The following NGEF variants were observed in gnomAD, a reference collection of about 807,000 sequenced individuals.
The protein encoded by NGEF is ephexin-1.
A neutral mutation model predicts 80.9 loss-of-function variants in NGEF; 31 were observed. The ratio of observed to expected loss-of-function variants is 0.38; its 90% CI spans 0.29 to 0.52. NGEF has a LOEUF of 0.52. NGEF is among the 20% of genes least tolerant of loss of function. The pLI is 0.84. For missense variants in NGEF, 709 were observed against 926.2 expected, an observed-to-expected ratio of 0.77 and a Z score of 3.04; for synonymous variants, 371 against 370.2, an observed-to-expected ratio of 1.00 and a Z score of -0.03.
In NGEF at chr2:232,970,276, G is replaced by A. The variant is rs201419563; in HGVS notation, c.321C>T (p.Pro107=). 6.2e-7 allele frequency: 1 copy of A among 1,606,092 alleles called. No individual in the cohort carries two copies. The highest frequency in any genetic ancestry group is 1.3e-5 in the African/African-American group (1 of 74,422). Residue 107 remains proline (P), a synonymous_variant, in exon 3 of 15, where the codon CCC becomes CCT. Coordinates refer to ENST00000264051, the MANE Select transcript of NGEF (RefSeq NM_019850.3). ...SVNEPLTLNI[P]WSRMPPCRTA... is the part of the protein sequence containing the mutation. ...TTCTGCAAGGAGGCATTCTGCTCCAGGGGATATTCAAGGTCAGGGGCTCAT... is the reference window on the plus strand; with the variant it reads ...TTCTGCAAGGAGGCATTCTGCTCCAAGGGATATTCAAGGTCAGGGGCTCAT...
chr2:232,975,964 G>A (rs1185454738), intron 1 of NGEF, among the ~76,000 whole-genome samples: 1 of 152,152 alleles, frequency 6.6e-6, no homozygotes, highest in African/African-American at 2.4e-5. Flanking sequence ...ACTTTGGGAG[G>A]CCGAGGCGAG....
chr2:232,960,697 G>A (rs913330706), intron 3 of NGEF, among the ~76,000 whole-genome samples: 1 of 152,172 alleles, frequency 6.6e-6, no homozygotes, highest in Non-Finnish European at 1.5e-5. Flanking sequence ...TGGCCAACAT[G>A]GTGAAACCCC....
At chr2:232,880,123 T>C (rs1691445273) in intron 14 of NGEF, among the ~76,000 whole-genome samples, 1 of 152,220 alleles carries the variant, frequency 6.6e-6, no homozygotes, top group Non-Finnish European at 1.5e-5. Flanking sequence ...TTAGCTGGCC[T>C]GGACTGTGTC....
At chr2:232,903,894 T>G (rs770199600) in intron 5 of NGEF, among the ~76,000 whole-genome samples, 1 of 152,202 alleles carries the variant, frequency 6.6e-6, no homozygotes, top group Non-Finnish European at 1.5e-5. Flanking sequence ...AATTTTCTTT[T>G]GGGAGTGGGG....
chr2:232,912,891 C>CT (rs1487179274), intron 5 of NGEF, among the ~76,000 whole-genome samples: 3 of 152,032 alleles, frequency 2.0e-5, no homozygotes, highest in African/African-American at 4.8e-5. Context: ...TATATCTTCT[C>CT]TTTTTTTGTC....
intron 1 of NGEF, among the ~76,000 whole-genome samples, chr2:232,991,590 AAAG>A (rs1694651691): frequency 6.6e-6 from 1 of 152,204 alleles, no homozygotes; most frequent in African/African-American, 2.4e-5. Context: ...GAAAAAAATT[AAAG>A]AAGACCTAAA....
chr2:232,891,778 A>G (rs1417502882), intron 7 of NGEF, among the ~76,000 whole-genome samples: 1 of 152,198 alleles, frequency 6.6e-6, no homozygotes, highest in African/African-American at 2.4e-5. Flanking sequence ...GCACAATTAG[A>G]TGATTTCACC....
At chr2:232,933,455 TC>T (rs1693261183) in intron 3 of NGEF, among the ~76,000 whole-genome samples, 1 of 152,034 alleles carries the variant, frequency 6.6e-6, no homozygotes, top group Admixed American at 6.6e-5. Context: ...GCAGTCCCCT[TC>T]CCTGGTAACT....
chr2:232,920,645 A>T (rs1692923024), intron 4 of NGEF, 60 bp from the exon 5 acceptor site: 2 of 1,472,144 alleles, frequency 1.4e-6, no homozygotes, highest in Non-Finnish European at 9.1e-7. Flanking sequence ...ATCATTAGAA[A>T]TCCCTAAGTC....
chr2:232,944,235 G>GA (rs1231528218), intron 3 of NGEF, among the ~76,000 whole-genome samples: 8 of 151,722 alleles, frequency 5.3e-5, no homozygotes, highest in Non-Finnish European at 8.8e-5. Context: ...CTCCGTCTGG[G>GA]AAAAAATTAA....
intron 5 of NGEF, among the ~76,000 whole-genome samples, chr2:232,914,070 G>C (rs1257763763): frequency 6.6e-6 from 1 of 152,142 alleles, no homozygotes; most frequent in Non-Finnish European, 1.5e-5. Context: ...CAGCCCATGG[G>C]CTGGCCACTT....
At chr2:232,924,715 C>T (rs749221557) in intron 4 of NGEF, among the ~76,000 whole-genome samples, 16 of 152,212 alleles carry the variant, frequency 1.1e-4, no homozygotes, top group Non-Finnish European at 2.1e-4. Context: ...GAACTTCCTA[C>T]CTTTGGACTC....
At chr2:232,897,002 G>C (rs1692115095) in intron 5 of NGEF, among the ~76,000 whole-genome samples, 1 of 131,242 alleles carries the variant, frequency 7.6e-6, no homozygotes, top group South Asian at 2.6e-4. Context: ...AGGGGTGCGG[G>C]TGAGGGTAGG....
intron 6 of NGEF, among the ~76,000 whole-genome samples, chr2:232,893,557 T>G (rs934060770): frequency 3.9e-5 from 6 of 152,096 alleles, no homozygotes; most frequent in Non-Finnish European, 8.8e-5. Flanking sequence ...GCGGATCACC[T>G]GAGGTCAGGA....
At chr2:232,883,777 A>C (rs35141217) in intron 11 of NGEF, among the ~76,000 whole-genome samples, 25,397 of 152,178 alleles carry the variant, frequency 0.17, 2,673 homozygotes, top group Non-Finnish European at 0.22. Flanking sequence ...CCCCCACTTT[A>C]CAGGAAGGGA....
intron 10 of NGEF, among the ~76,000 whole-genome samples, chr2:232,884,713 C>T (rs1043489802): frequency 1.3e-5 from 2 of 152,182 alleles, no homozygotes; most frequent in African/African-American, 2.4e-5. Context: ...CGGTCAGCAC[C>T]GTGTGGAGCT....
rs868012160 is a variant in NGEF, at chr2:232,879,424, C to T, written c.*65G>A. The T allele has an allele frequency of 2.3e-4, 260 of 1,128,234 alleles. 4 individuals are homozygous for T. The highest frequency in any genetic ancestry group is 4.4e-4 in the South Asian group (28 of 64,346). The allele number at this position is 1,128,234 out of a possible 1,614,324, so 69.9% of individuals were successfully genotyped here. On this transcript the variant is annotated 3_prime_UTR_variant, in exon 15 of 15. Transcript: ENST00000264051. ...TGCTGGCCTGTGCTTCCCAGAGCCC[C>T]CCCCCCCCCACCTTCTGTCGGGGTC...
At chr2:232,954,958 G>A (rs1391184594) in intron 3 of NGEF, among the ~76,000 whole-genome samples, 3 of 151,810 alleles carry the variant, frequency 2.0e-5, no homozygotes, top group African/African-American at 7.3e-5. Flanking sequence ...GTTGGGGGCC[G>A]ATCACTGTTC....
At chr2:232,905,963 C>G (rs1447108808) in intron 5 of NGEF, 1 of 142,630 alleles carries the variant, frequency 7.0e-6, no homozygotes, top group East Asian at 2.4e-4. Flanking sequence ...CCTGGCCGCC[C>G]CTACTGGGAA....
Sources: allele counts gnomAD v4.1 joint callset (sites outside exome capture counted in the v4.1 genomes callset), GRCh38; gene constraint gnomAD v4.1.1; transcripts MANE v1.5; gene names NCBI Gene and HGNC (gene_info 2026-07-23, HGNC 2026-07-21).